Variants in PRKCD observed in about 807,000 individuals in gnomAD.
PRKCD encodes protein kinase C delta type.
PRKCD carries 20 observed loss-of-function variants against 82.2 expected under a neutral mutation model. The ratio of observed to expected loss-of-function variants is 0.24; its 90% CI spans 0.17 to 0.35. The LOEUF (loss-of-function observed/expected upper bound fraction) is 0.35, where lower values mean the gene tolerates loss of function less well. Ranked by LOEUF, PRKCD falls within the 10% of genes least tolerant of loss-of-function variation. The pLI, the probability that PRKCD is intolerant of heterozygous loss-of-function variation, is 1.00. For synonymous variants in PRKCD, 317 were observed against 337.0 expected (o/e 0.94, Z 0.65); for missense variants, 607 against 899.0 (o/e 0.68, Z 4.15).
Position 53,188,866 on chromosome 3 carries a change from G to A in PRKCD, c.1554+8G>A, listed in dbSNP as rs141412493. On this transcript the variant is annotated splice_region_variant and intron_variant, in intron 16 of 18. Transcript: ENST00000330452. ...GACTATATCGCCCCTGAGGTGAGCC[G>A]ATACCCTTCCAGCCCCCCGCTCAGT... 1,208 of 1,613,766 alleles carry A rather than the reference G, an allele frequency of 7.5e-4. 5 individuals carry two copies. The African/African-American group carries it at 0.014, about 18-fold the overall frequency.
At chr3:53,163,901 G>C (rs61526468) in intron 1 of PRKCD, among the ~76,000 whole-genome samples, 18 of 152,296 alleles carry the variant, frequency 1.2e-4, no homozygotes, top group African/African-American at 4.1e-4. Context: ...CAGTAGTAGC[G>C]ATGGGGGAGA....
At chr3:53,181,754 T>A (rs782698666) in intron 7 of PRKCD, 22 bp downstream of exon 7, 1 of 1,614,192 alleles carries the variant, frequency 6.2e-7, no homozygotes, top group African/African-American at 1.3e-5. Context: ...CACAGGCCAG[T>A]TTGTACGTAT....
chr3:53,188,594 T>C, intron 15 of PRKCD, 126 bp from the exon 16 acceptor site: 3 of 1,264,484 alleles, frequency 2.4e-6, no homozygotes, highest in Non-Finnish European at 2.2e-6. Context: ...TCCTTTTCTG[T>C]TTCTCATTCC....
chr3:53,168,763 A>C (rs1702916001), intron 2 of PRKCD, among the ~76,000 whole-genome samples: 1 of 146,532 alleles, frequency 6.8e-6, no homozygotes, highest in Non-Finnish European at 1.5e-5. Context: ...GAAAGGGGTC[A>C]GCGTGGCTGG....
chr3:53,185,737 T>C (rs782335144), intron 11 of PRKCD, 37 bp downstream of exon 11: 1 of 1,599,624 alleles, frequency 6.3e-7, no homozygotes, highest in South Asian at 1.1e-5. Flanking sequence ...CGGTTTTTAT[T>C]CCCCCTGAGG....
intron 7 of PRKCD, among the ~76,000 whole-genome samples, chr3:53,182,258 G>C (rs1703473493): frequency 6.7e-6 from 1 of 149,888 alleles, no homozygotes; most frequent in South Asian, 2.1e-4. Flanking sequence ...CTGTGCCTCA[G>C]TTTCCTCATC....
chr3:53,179,961 T>C (rs1163085253), intron 4 of PRKCD, among the ~76,000 whole-genome samples, 185 bp downstream of exon 4: 2 of 152,202 alleles, frequency 1.3e-5, no homozygotes, highest in Admixed American at 1.3e-4. Flanking sequence ...ATCCTGGCTC[T>C]GCAATTCACC....
At chr3:53,190,107 A>G (rs1703871482) in intron 18 of PRKCD, 106 bp downstream of exon 18, 3 of 1,488,736 alleles carry the variant, frequency 2.0e-6, no homozygotes, top group Non-Finnish European at 2.8e-6. Flanking sequence ...TCTTCCAGCA[A>G]TCTCCATAGC....
intron 8 of PRKCD, 61 bp from the exon 9 acceptor site, chr3:53,183,391 G>A (rs1703538960): frequency 1.9e-6 from 3 of 1,605,856 alleles, no homozygotes; most frequent in Admixed American, 3.4e-5. Flanking sequence ...GGAGAGCTAG[G>A]GGTTGAAGAA....
At position 53,183,600 on chromosome 3, in the gene PRKCD, C is replaced by G. The variant is rs1703551249; in HGVS notation, c.787+19C>G. 1 of 1,612,472 alleles carries G rather than the reference C, an allele frequency of 6.2e-7. No individual in the cohort carries two copies. The highest frequency in any genetic ancestry group is 1.3e-5 in the African/African-American group (1 of 75,046). ...TGTGAAGGTGCGTGCCACCCCGCCC[C>G]TGGGCTGCAGGAGGGGCACTCCCAG... On this transcript the variant is annotated intron_variant, in intron 9 of 18. Coordinates refer to ENST00000330452, the MANE Select transcript of PRKCD (RefSeq NM_006254.4).
chr3:53,189,281 C>T (rs1703836641), intron 17 of PRKCD, 35 bp downstream of exon 17: 2 of 1,523,976 alleles, frequency 1.3e-6, no homozygotes, highest in Non-Finnish European at 1.8e-6. Context: ...CTGGTCTGGG[C>T]TGGGCTGGGG....
At chr3:53,162,932 A>G (rs1702722537) in intron 1 of PRKCD, among the ~76,000 whole-genome samples, 1 of 152,036 alleles carries the variant, frequency 6.6e-6, no homozygotes. Context: ...TCCCTCTGCC[A>G]CTGAGTTTCT....
At chr3:53,166,739 C>T (rs1702845328) in intron 2 of PRKCD, among the ~76,000 whole-genome samples, 1 of 152,268 alleles carries the variant, frequency 6.6e-6, no homozygotes, top group Non-Finnish European at 1.5e-5. Flanking sequence ...GGGGCAAGTT[C>T]CAGGTGTGGC....
Position 53,181,183 on chromosome 3 carries a change from C to T in PRKCD, c.316-24C>T, listed in dbSNP as rs577091267. 3 of 1,611,104 alleles carry T rather than the reference C, an allele frequency of 1.9e-6. No individual in the cohort carries two copies. In the East Asian group the frequency reaches 6.7e-5, roughly 36 times the overall value. On this transcript the variant is annotated intron_variant, in intron 4 of 18. Transcript: ENST00000330452. ...AGGCTGCCCTCACTGACCTTGTTCT[C>T]CCCTGGCCTCTGGCCCCCAACAGCT...
At chr3:53,183,967 T>C (rs1575539023) in intron 9 of PRKCD, among the ~76,000 whole-genome samples, 2 of 25,180 alleles carry the variant, frequency 7.9e-5, no homozygotes, top group Admixed American at 9.2e-4. Flanking sequence ...GAAAGCGGCT[T>C]AAGTTGACCA....
chr3:53,174,547 C>T (rs1396703754), intron 2 of PRKCD, among the ~76,000 whole-genome samples: 1 of 152,154 alleles, frequency 6.6e-6, no homozygotes, highest in African/African-American at 2.4e-5. Context: ...TGCTTCACCC[C>T]CATCTCCCTG....
intron 1 of PRKCD, among the ~76,000 whole-genome samples, chr3:53,163,297 G>A (rs1702735205): frequency 6.6e-6 from 1 of 151,942 alleles, no homozygotes; most frequent in Non-Finnish European, 1.5e-5. Flanking sequence ...GAGTGCCTGG[G>A]CGTGGGTGTT....
chr3:53,168,319 A>T (rs1702899863), intron 2 of PRKCD, among the ~76,000 whole-genome samples: 1 of 152,232 alleles, frequency 6.6e-6, no homozygotes, highest in Non-Finnish European at 1.5e-5. Context: ...GAAGAAGGTC[A>T]GCACAGTTAG....
At chr3:53,163,157 C>T (rs1457495135) in intron 1 of PRKCD, among the ~76,000 whole-genome samples, 1 of 151,794 alleles carries the variant, frequency 6.6e-6, no homozygotes, top group African/African-American at 2.4e-5. Context: ...GGTGTGAGGG[C>T]TATGCGATGG....
Sources: gnomAD v4.1 joint callset for allele counts (sites outside exome capture counted in the v4.1 genomes callset) on GRCh38, gnomAD v4.1.1 for gene constraint, MANE v1.5 for transcripts, NCBI Gene and HGNC (gene_info 2026-07-23, HGNC 2026-07-21) for gene names.